GNG2: variants seen among roughly 807,000 people sequenced by gnomAD.
GNG2 encodes the protein G protein subunit gamma 2.
In GNG2, 5 loss-of-function variants were observed where a neutral mutation model predicts 5.5. The observed-to-expected ratio is 0.91, with a 90% confidence interval of 0.48 to 1.92. The LOEUF (loss-of-function observed/expected upper bound fraction) is 1.92, where lower values mean the gene tolerates loss of function less well. Ranked by LOEUF, GNG2 falls within the 30% of genes most tolerant of loss-of-function variation. The pLI is 0.01. For synonymous variants in GNG2, 28 were observed against 32.0 expected (o/e 0.88, Z 0.42); for missense variants, 55 against 88.4 (o/e 0.62, Z 1.52).
chr14:51,948,426 C>T (rs1451391534), intron 2 of GNG2, among the ~76,000 whole-genome samples: 1 of 152,178 alleles, frequency 6.6e-6, no homozygotes, highest in Non-Finnish European at 1.5e-5. Flanking sequence ...TGCATTCCAG[C>T]CAGATGAATG....
chr14:51,834,995 G>C (rs547568687), intron 2 of GNG2, among the ~76,000 whole-genome samples: 1 of 152,340 alleles, frequency 6.6e-6, no homozygotes, highest in African/African-American at 2.4e-5. Flanking sequence ...AGTCAGCAGA[G>C]TCTTAACCAA....
chr14:51,895,365 T>C (rs1327515310), intron 2 of GNG2, among the ~76,000 whole-genome samples: 1 of 152,304 alleles, frequency 6.6e-6, no homozygotes, highest in African/African-American at 2.4e-5. Context: ...TAAATAAATG[T>C]TAACGAATCA....
At chr14:51,835,669 C>G (rs1232341599) in intron 2 of GNG2, among the ~76,000 whole-genome samples, 1 of 152,194 alleles carries the variant, frequency 6.6e-6, no homozygotes, top group Non-Finnish European at 1.5e-5. Context: ...CTCCCCTGAC[C>G]TACAACTTCT....
intron 2 of GNG2, among the ~76,000 whole-genome samples, chr14:51,881,701 C>CTTTTTT (rs58544362): frequency 9.6e-6 from 1 of 104,218 alleles, no homozygotes. Context: ...AGCTGGAAGA[C>CTTTTTT]TTTTTTTTTT....
upstream of GNG2, among the ~76,000 whole-genome samples, chr14:51,858,347 T>C (rs1882258330): frequency 6.6e-6 from 1 of 152,204 alleles, no homozygotes. Flanking sequence ...TAGAGTTTTG[T>C]TGGCACCTCC....
intron 3 of GNG2, among the ~76,000 whole-genome samples, chr14:51,956,565 T>G (rs117949281): frequency 0.048 from 7,290 of 152,228 alleles, 266 homozygotes; most frequent in Non-Finnish European, 0.07. Flanking sequence ...TGGATTGTTT[T>G]TCTATACACA....
intron 2 of GNG2, among the ~76,000 whole-genome samples, chr14:51,890,340 C>G (rs1884768500): frequency 6.6e-6 from 1 of 152,116 alleles, no homozygotes; most frequent in Non-Finnish European, 1.5e-5. Context: ...TTTTTTTCCC[C>G]TGCCCTCAAA....
At chr14:51,898,132 A>G (rs1309329211) in intron 2 of GNG2, among the ~76,000 whole-genome samples, 2 of 152,230 alleles carry the variant, frequency 1.3e-5, no homozygotes, top group African/African-American at 4.8e-5. Flanking sequence ...ACTAGTTTAC[A>G]GATCTCATTT....
chr14:51,924,826 C>T (rs1051293117), intron 2 of GNG2, among the ~76,000 whole-genome samples: 2 of 152,202 alleles, frequency 1.3e-5, no homozygotes, highest in African/African-American at 4.8e-5. Context: ...TCCTCGTGCA[C>T]GTCTGACAAT....
At position 51,876,694 on chromosome 14, in the gene GNG2, T is replaced by C. The variant is rs532732108; in HGVS notation, c.-70-923T>C. Among the ~76,000 whole-genome samples, 12 of 152,200 alleles carry C rather than the reference T, an allele frequency of 7.9e-5. No homozygotes were observed. The East Asian group carries it at 2.3e-3, about 29-fold the overall frequency. ...CCCATTTAAAAACATATGGCCCCTA[T>C]GGTAGTCTGGGAATATAATTGGTTG... On this transcript the variant is annotated intron_variant, in intron 1 of 3. Transcript: ENST00000556766.
intron 2 of GNG2, among the ~76,000 whole-genome samples, chr14:51,924,882 C>G (rs1420609300): frequency 1.3e-5 from 2 of 152,232 alleles, no homozygotes; most frequent in South Asian, 4.1e-4. Context: ...TAATAACACA[C>G]AGCAGTTGTT....
intron 2 of GNG2, among the ~76,000 whole-genome samples, chr14:51,900,473 T>C (rs1885476854): frequency 6.6e-6 from 1 of 151,558 alleles, no homozygotes; most frequent in African/African-American, 2.4e-5. Context: ...TCAACACTGG[T>C]TAATGTCCCA....
At chr14:51,949,207 G>T (rs1394856167) in intron 2 of GNG2, among the ~76,000 whole-genome samples, 1 of 151,190 alleles carries the variant, frequency 6.6e-6, no homozygotes, top group African/African-American at 2.4e-5. Flanking sequence ...GGCTTATTTT[G>T]TAGTATTCTT....
chr14:51,847,464 G>GA (rs1566642790), intron 2 of GNG2: 1 of 152,242 alleles, frequency 6.6e-6, no homozygotes, highest in East Asian at 1.9e-4. Flanking sequence ...CCTGACTACG[G>GA]AAGTGGGCTG....
chr14:51,888,944 T>C (rs748260674), intron 2 of GNG2, among the ~76,000 whole-genome samples: 1 of 152,058 alleles, frequency 6.6e-6, no homozygotes, highest in Non-Finnish European at 1.5e-5. Context: ...AACACTATGC[T>C]AGGTGAAAGA....
At chr14:51,900,380 A>C (rs1335396628) in intron 2 of GNG2, among the ~76,000 whole-genome samples, 2 of 152,038 alleles carry the variant, frequency 1.3e-5, no homozygotes, top group South Asian at 2.1e-4. Context: ...TGAGTGAAAA[A>C]ACCTGGTTTC....
In GNG2 at chr14:51,916,408, C is replaced by T. The variant is rs1450388909; in HGVS notation, c.-29-34242C>T. 6.7e-6 allele frequency: 3 copies of T among 446,852 alleles called. No individual in the cohort carries two copies. The Admixed American group carries it at 7.4e-5, about 11-fold the overall frequency. 27.7% of individuals were successfully genotyped at this position (446,852 alleles called of 1,614,324 possible). A position where few individuals can be genotyped will look rare whatever the true frequency, so the allele number is the denominator to read the frequency against. On this transcript the variant is annotated intron_variant, in intron 2 of 3. Transcript: ENST00000556766. The stretch of plus-strand genomic sequence containing the variant: ...TGGGAAAACGTGCACATTGGCTTCC[C>T]ACGAGGACCTATTTTGTACTAAGTT...
intron 2 of GNG2, among the ~76,000 whole-genome samples, chr14:51,939,290 C>G (rs186929785): frequency 1.3e-3 from 195 of 152,246 alleles, no homozygotes; most frequent in African/African-American, 4.5e-3. Flanking sequence ...ATGGCCTATT[C>G]GTTTCATTTT....
At chr14:51,877,347 T>C (rs1375971177) in intron 1 of GNG2, among the ~76,000 whole-genome samples, 1 of 152,196 alleles carries the variant, frequency 6.6e-6, no homozygotes, top group Non-Finnish European at 1.5e-5. Flanking sequence ...AAGTGGCCTT[T>C]GTGTTTTCAT....
Sources: allele counts gnomAD v4.1 joint callset (sites outside exome capture counted in the v4.1 genomes callset), GRCh38; gene constraint gnomAD v4.1.1; transcripts MANE v1.5; gene names NCBI Gene and HGNC (gene_info 2026-07-23, HGNC 2026-07-21).